SORCS2: variants seen among roughly 807,000 people sequenced by gnomAD.
SORCS2 encodes sortilin related VPS10 domain containing receptor 2.
A neutral mutation model predicts 141.6 loss-of-function variants in SORCS2; 100 were observed. That is an observed-to-expected ratio of 0.71 (90% CI 0.60 to 0.83). SORCS2 has a LOEUF of 0.83. Ranked by LOEUF, SORCS2 falls within the 40% of genes least tolerant of loss-of-function variation. The probability of loss-of-function intolerance (pLI) is 0.00; values close to 1 mark genes in which losing one functional copy is unlikely to be tolerated. For missense variants in SORCS2, 1,646 were observed against 1,560.2 expected, an observed-to-expected ratio of 1.05 and a Z score of -0.93; for synonymous variants, 789 against 676.9, an observed-to-expected ratio of 1.17 and a Z score of -2.57.
At chr4:7,658,523 G>A (rs969922735) in intron 5 of SORCS2, among the ~76,000 whole-genome samples, 3 of 151,928 alleles carry the variant, frequency 2.0e-5, no homozygotes, top group African/African-American at 7.3e-5. Flanking sequence ...CTTACAAATG[G>A]TCTATTCACA....
chr4:7,692,156 G>A, intron 11 of SORCS2, among the ~76,000 whole-genome samples: 1 of 152,212 alleles, frequency 6.6e-6, no homozygotes, highest in Non-Finnish European at 1.5e-5. Context: ...GCATCTGCTG[G>A]GAGCAGGAGG....
intron 3 of SORCS2, among the ~76,000 whole-genome samples, chr4:7,560,135 A>G (rs895995249): frequency 1.3e-5 from 2 of 152,220 alleles, no homozygotes; most frequent in African/African-American, 4.8e-5. Context: ...GCCGGCTGCC[A>G]AGCCCACGGA....
chr4:7,724,748 ATGG>A (rs1223278868), intron 19 of SORCS2, among the ~76,000 whole-genome samples: 4 of 76,898 alleles, frequency 5.2e-5, no homozygotes, highest in Admixed American at 3.4e-4. Flanking sequence ...AGTAGTGGTG[ATGG>A]TGGTGGTGTT....
intron 1 of SORCS2, among the ~76,000 whole-genome samples, chr4:7,279,485 C>A (rs1715719262): frequency 6.6e-6 from 1 of 152,204 alleles, no homozygotes; most frequent in Admixed American, 6.5e-5. Flanking sequence ...ATGCGGTGGT[C>A]AGTTCCATTT....
intron 3 of SORCS2, among the ~76,000 whole-genome samples, chr4:7,594,153 C>T (rs1717104775): frequency 6.6e-6 from 1 of 152,196 alleles, no homozygotes; most frequent in South Asian, 2.1e-4. Flanking sequence ...ACTAGGCTGT[C>T]AGGGCGAGAG....
At chr4:7,206,964 G>A (rs373056656) in intron 1 of SORCS2, among the ~76,000 whole-genome samples, 7 of 152,140 alleles carry the variant, frequency 4.6e-5, no homozygotes, top group African/African-American at 1.7e-4. Flanking sequence ...GAGAAACCTG[G>A]GCTTTCTGAC....
chr4:7,421,386 CTG>C (rs989346754), intron 2 of SORCS2, among the ~76,000 whole-genome samples: 22 of 152,322 alleles, frequency 1.4e-4, no homozygotes, highest in African/African-American at 5.3e-4. Context: ...CTCTTGTTAA[CTG>C]TGTGGCTTTC....
intron 2 of SORCS2, among the ~76,000 whole-genome samples, chr4:7,441,561 T>C (rs1727666993): frequency 6.6e-6 from 1 of 151,812 alleles, no homozygotes; most frequent in African/African-American, 2.4e-5. Context: ...CACTCAGAGA[T>C]TTGAGAAGCC....
intron 1 of SORCS2, among the ~76,000 whole-genome samples, chr4:7,200,026 G>A (rs1310038187): frequency 6.6e-6 from 1 of 152,092 alleles, no homozygotes; most frequent in African/African-American, 2.4e-5. Flanking sequence ...GCAGAGGTGG[G>A]GGAGGCTGGA....
intron 1 of SORCS2, among the ~76,000 whole-genome samples, chr4:7,264,830 C>T (rs1004787640): frequency 6.6e-6 from 1 of 152,236 alleles, no homozygotes; most frequent in Non-Finnish European, 1.5e-5. Context: ...CTCCGTGCAG[C>T]CCTGCTGCTG....
At chr4:7,311,853 A>G (rs774043118) in intron 1 of SORCS2, among the ~76,000 whole-genome samples, 5 of 151,560 alleles carry the variant, frequency 3.3e-5, no homozygotes, top group Non-Finnish European at 4.4e-5. Flanking sequence ...TGTCTTTTTC[A>G]TTCTTTTTTT....
intron 1 of SORCS2, among the ~76,000 whole-genome samples, chr4:7,215,121 G>T (rs1356556840): frequency 3.3e-5 from 5 of 152,188 alleles, no homozygotes; most frequent in African/African-American, 1.2e-4. Flanking sequence ...TTGCAGGGAG[G>T]TGTGGAGGGA....
chr4:7,511,439 G>C lies in SORCS2; in HGVS notation c.549-20091G>C, dbSNP rs868598451. On this transcript the variant is annotated intron_variant, in intron 2 of 26. Transcript: ENST00000507866. ...AGGGAGAGAGGGGCGGGGTTGGGGA[G>C]ACACACACACACACACACAGATACA... 2.8e-4 allele frequency among the ~76,000 whole-genome samples: 36 copies of C among 128,838 alleles called. 2 individuals carry two copies. The South Asian group carries it at 5.2e-3, about 19-fold the overall frequency. 84.5% of individuals were successfully genotyped at this position (128,838 alleles called of 152,430 possible).
chr4:7,232,018 G>A (rs1711924942), intron 1 of SORCS2, among the ~76,000 whole-genome samples: 1 of 152,240 alleles, frequency 6.6e-6, no homozygotes, highest in South Asian at 2.1e-4. Flanking sequence ...TCTGACAAGG[G>A]CCCCGTGATT....
chr4:7,438,537 G>A (rs897910443), intron 2 of SORCS2, among the ~76,000 whole-genome samples: 1 of 151,974 alleles, frequency 6.6e-6, no homozygotes, highest in Non-Finnish European at 1.5e-5. Context: ...TCATTTTCTA[G>A]CTCTGTCTTC....
At chr4:7,304,467 C>G (rs575931441) in intron 1 of SORCS2, among the ~76,000 whole-genome samples, 1 of 152,176 alleles carries the variant, frequency 6.6e-6, no homozygotes, top group South Asian at 2.1e-4. Flanking sequence ...GCGGGTGGGT[C>G]GGCGGCCCTC....
At chr4:7,272,772 G>T (rs996688141) in intron 1 of SORCS2, among the ~76,000 whole-genome samples, 4 of 152,234 alleles carry the variant, frequency 2.6e-5, no homozygotes, top group African/African-American at 9.6e-5. Context: ...CAGATCTCGC[G>T]CTTCAGGGCG....
intron 2 of SORCS2, among the ~76,000 whole-genome samples, chr4:7,440,824 C>G (rs1225187684): frequency 1.3e-5 from 2 of 152,228 alleles, no homozygotes; most frequent in Admixed American, 1.3e-4. Context: ...ACGGGTCACT[C>G]ATTTCACGAT....
intron 2 of SORCS2, among the ~76,000 whole-genome samples, chr4:7,409,465 G>T (rs554245701): frequency 2.6e-5 from 4 of 152,334 alleles, no homozygotes; most frequent in South Asian, 2.1e-4. Context: ...TTACAGAGCA[G>T]AGTTTTCACG....
Sources: allele counts gnomAD v4.1 joint callset (sites outside exome capture counted in the v4.1 genomes callset), GRCh38; gene constraint gnomAD v4.1.1; transcripts MANE v1.5; gene names NCBI Gene and HGNC (gene_info 2026-07-23, HGNC 2026-07-21).